SPECC1L: variants seen among roughly 807,000 people sequenced by gnomAD.
SPECC1L encodes the protein sperm antigen with calponin homology and coiled-coil domains 1 like.
In SPECC1L, 40 loss-of-function variants were observed where a neutral mutation model predicts 116.8. That is an observed-to-expected ratio of 0.34 (90% CI 0.27 to 0.45). The LOEUF (loss-of-function observed/expected upper bound fraction) is 0.45, where lower values mean the gene tolerates loss of function less well. Among genes scored for constraint, SPECC1L ranks in the 20% least tolerant of loss-of-function variants. The pLI is 1.00. For missense variants in SPECC1L, 1,110 were observed against 1,373.6 expected (o/e 0.81, Z 3.03); for synonymous variants, 504 against 500.6 (o/e 1.01, Z -0.09).
chr22:24,372,680 T>C (rs866657620), intron 14 of SPECC1L, among the ~76,000 whole-genome samples: 2 of 147,784 alleles, frequency 1.4e-5, no homozygotes, highest in Non-Finnish European at 2.9e-5. Flanking sequence ...ACTGAATGGG[T>C]AAAAACTGGA....
intron 14 of SPECC1L, among the ~76,000 whole-genome samples, chr22:24,382,860 T>G: frequency 6.6e-6 from 1 of 152,150 alleles, no homozygotes; most frequent in African/African-American, 2.4e-5. Context: ...CACTCCAGCC[T>G]GGACAACAGA....
chr22:24,329,169 G>T (rs2040887675), intron 7 of SPECC1L, among the ~76,000 whole-genome samples: 1 of 152,170 alleles, frequency 6.6e-6, no homozygotes, highest in Admixed American at 6.5e-5. Context: ...TCCAAAATTT[G>T]CAACTCTTGG....
chr22:24,388,036 A>T (rs1317361778), intron 14 of SPECC1L, among the ~76,000 whole-genome samples: 1 of 152,140 alleles, frequency 6.6e-6, no homozygotes, highest in Non-Finnish European at 1.5e-5. Flanking sequence ...GATTGGGTCC[A>T]CCTGGACAAT....
chr22:24,405,309 GGTA>G (rs779988412), intron 14 of SPECC1L, among the ~76,000 whole-genome samples: 80 of 152,236 alleles, frequency 5.3e-4, no homozygotes, highest in South Asian at 1.2e-3. Flanking sequence ...CAGGGCACGT[GGTA>G]TTGCTCCATG....
rs1472333335 is a variant in SPECC1L, at chr22:24,361,849, AGAAGAG to A, written c.2744-1401_2744-1396del. On this transcript the variant is annotated intron_variant, in intron 11 of 16. Transcript: ENST00000314328. ...AAAAACGAGAGAGAGAGAAAGAAGA[AGAAGAG>A]GAAGAGGAAGGAGGAGAAGGAGGAG... Among the ~76,000 whole-genome samples, 4 of 151,974 alleles carry A rather than the reference AGAAGAG, an allele frequency of 2.6e-5. No individual in the cohort carries two copies. The South Asian group carries it at 6.2e-4, about 24-fold the overall frequency.
At chr22:24,373,229 C>T (rs2041905405) in intron 14 of SPECC1L, among the ~76,000 whole-genome samples, 1 of 152,082 alleles carries the variant, frequency 6.6e-6, no homozygotes, top group South Asian at 2.1e-4. Flanking sequence ...CAGTGCCATC[C>T]CCATCAAGCT....
At chr22:24,320,442 GTT>G (rs915873618) in intron 4 of SPECC1L, among the ~76,000 whole-genome samples, 1 of 152,170 alleles carries the variant, frequency 6.6e-6, no homozygotes. Context: ...GTGCTTCGTT[GTT>G]TTTTACATTT....
At chr22:24,380,042 T>C (rs1244574621) in intron 14 of SPECC1L, among the ~76,000 whole-genome samples, 2 of 152,132 alleles carry the variant, frequency 1.3e-5, no homozygotes, top group Non-Finnish European at 2.9e-5. Context: ...AGCTAATTTT[T>C]GTATTCTTAG....
At position 24,313,398 on chromosome 22, in the gene SPECC1L, C is replaced by T; in HGVS notation, c.239C>T (p.Pro80Leu). 6.2e-7 allele frequency: 1 copy of T among 1,614,156 alleles called. No homozygotes were observed. Among genetic ancestry groups the T allele is most frequent in the Non-Finnish European group, 8.5e-7 (1 of 1,180,026 alleles). Reference sequence around the variant, plus strand: ...GTTAAAGGAAAGAAAAGCACCTGCCCATCTGCAGCACCTTCAGCATCTGCC... The same window carrying T: ...GTTAAAGGAAAGAAAAGCACCTGCCTATCTGCAGCACCTTCAGCATCTGCC... Reference protein sequence around the residue: ...NGVKGKKSTCPSAAPSASAPA... With the variant: ...NGVKGKKSTCLSAAPSASAPA... The change falls in exon 4 of 17, where the codon CCA (proline) becomes CTA (leucine). Residue 80 changes from proline (P) to leucine (L), a missense_variant. Pro to Leu is a moderately conservative substitution (Grantham distance 98). Coordinates refer to ENST00000314328, the MANE Select transcript of SPECC1L (RefSeq NM_015330.6).
At chr22:24,305,991 C>T (rs185590306) in intron 3 of SPECC1L, among the ~76,000 whole-genome samples, 3 of 151,694 alleles carry the variant, frequency 2.0e-5, no homozygotes, top group Admixed American at 2.0e-4. Context: ...GCGCCATCTC[C>T]GCCTCCCGGG....
intron 6 of SPECC1L, among the ~76,000 whole-genome samples, chr22:24,327,615 G>T (rs1169098305): frequency 6.6e-6 from 1 of 151,508 alleles, no homozygotes; most frequent in East Asian, 1.9e-4. Context: ...TTTCCCTAAT[G>T]ATAAATCGTT....
chr22:24,330,078 A>G (rs528835405), intron 7 of SPECC1L, among the ~76,000 whole-genome samples, 178 bp from the exon 8 acceptor site: 17 of 152,342 alleles, frequency 1.1e-4, no homozygotes, highest in South Asian at 1.0e-3. Context: ...AAGTTCACTA[A>G]TAATAGTTGC....
At chr22:24,271,547 A>G (rs1193643870) in intron 1 of SPECC1L, among the ~76,000 whole-genome samples, 1 of 152,272 alleles carries the variant, frequency 6.6e-6, no homozygotes, top group Non-Finnish European at 1.5e-5. Flanking sequence ...ATCAGGTTGG[A>G]TGTGAATAAT....
chr22:24,281,167 A>T (rs1209776173), intron 2 of SPECC1L, among the ~76,000 whole-genome samples: 1 of 152,248 alleles, frequency 6.6e-6, no homozygotes, highest in African/African-American at 2.4e-5. Context: ...TCCTGGAAGC[A>T]TCTGAGTTTT....
chr22:24,316,568 C>T (rs1386476430), intron 4 of SPECC1L, among the ~76,000 whole-genome samples: 1 of 150,140 alleles, frequency 6.7e-6, no homozygotes, highest in Non-Finnish European at 1.5e-5. Flanking sequence ...GGACACAGCA[C>T]ATGTTTCAGA....
chr22:24,356,106 G>T (rs1254873938), intron 11 of SPECC1L, among the ~76,000 whole-genome samples: 2 of 151,652 alleles, frequency 1.3e-5, no homozygotes, highest in Admixed American at 1.3e-4. Context: ...TTTTTTTTAA[G>T]TCTGGCTTCT....
chr22:24,327,676 C>T (rs5760345), intron 6 of SPECC1L, among the ~76,000 whole-genome samples: 12,062 of 151,934 alleles, frequency 0.079, 924 homozygotes, highest in African/African-American at 0.19. Context: ...ACCTAGGTAA[C>T]GATTTCAGCA....
chr22:24,393,575 A>G lies in SPECC1L; in HGVS notation c.3088-18013A>G, dbSNP rs1467472568. Among the ~76,000 whole-genome samples the G allele has an allele frequency of 7.9e-5, 12 of 152,316 alleles. No individual in the cohort carries two copies. In the East Asian group the frequency reaches 2.3e-3, roughly 29 times the overall value. ...CAGTTCTGCCATGGTTTATACCTGT[A>G]CTACATTCAGTTAAAAAGCTCTAAA... On this transcript the variant is annotated intron_variant, in intron 14 of 16. Coordinates refer to ENST00000314328, the MANE Select transcript of SPECC1L (RefSeq NM_015330.6).
chr22:24,299,819 G>A (rs1037507238), intron 2 of SPECC1L, among the ~76,000 whole-genome samples: 4 of 151,536 alleles, frequency 2.6e-5, no homozygotes, highest in South Asian at 2.1e-4. Flanking sequence ...AACTATCACC[G>A]TGATCTAATG....
Sources: gnomAD v4.1 joint callset for allele counts (sites outside exome capture counted in the v4.1 genomes callset) on GRCh38, gnomAD v4.1.1 for gene constraint, MANE v1.5 for transcripts, NCBI Gene and HGNC (gene_info 2026-07-23, HGNC 2026-07-21) for gene names.